The following SRRM4 variants were observed in gnomAD, a reference collection of about 807,000 sequenced individuals.
SRRM4 encodes the protein serine/arginine repetitive matrix 4.
In SRRM4, 33 loss-of-function variants were observed where a neutral mutation model predicts 68.9. The observed-to-expected ratio is 0.48, with a 90% CI of 0.36 to 0.64. The LOEUF (loss-of-function observed/expected upper bound fraction) is 0.64, where lower values mean the gene tolerates loss of function less well. SRRM4 is among the 30% of genes least tolerant of loss of function. The pLI is 0.00. For missense variants in SRRM4, 817 were observed against 827.1 expected (o/e 0.99, Z 0.15); for synonymous variants, 318 against 318.8 (o/e 1.00, Z 0.03).
chr12:119,151,001 A>T lies in SRRM4; in HGVS notation c.1077-16A>T. ...TAGTGGGCAGTCGGTGCTCATGGAC[A>T]TTTTCCCACCTGCAGGGGATTTCAG... On this transcript the variant is annotated splice_polypyrimidine_tract_variant and intron_variant, in intron 9 of 12. Coordinates refer to ENST00000267260, the MANE Select transcript of SRRM4 (RefSeq NM_194286.4). 1 of 1,613,106 alleles carries T rather than the reference A, an allele frequency of 6.2e-7. No homozygotes were observed. Among genetic ancestry groups the T allele is most frequent in the Non-Finnish European group, 8.5e-7 (1 of 1,179,474 alleles).
intron 1 of SRRM4, among the ~76,000 whole-genome samples, chr12:119,051,810 C>A (rs1359730366): frequency 6.6e-6 from 1 of 152,202 alleles, no homozygotes; most frequent in Non-Finnish European, 1.5e-5. Flanking sequence ...TATGGTAGAA[C>A]TGATGTTTGG....
chr12:119,105,213 C>T (rs990867039), intron 2 of SRRM4, among the ~76,000 whole-genome samples: 8 of 152,098 alleles, frequency 5.3e-5, no homozygotes, highest in African/African-American at 1.9e-4. Context: ...CTAATCCAGT[C>T]TATCATTGAT....
intron 1 of SRRM4, among the ~76,000 whole-genome samples, chr12:119,084,272 A>G (rs1267525503): frequency 6.6e-6 from 1 of 152,138 alleles, no homozygotes; most frequent in African/African-American, 2.4e-5. Context: ...GAGGGATTCT[A>G]TTGTCCTCTG....
chr12:119,089,451 A>G (rs543635431), intron 1 of SRRM4, among the ~76,000 whole-genome samples: 7 of 152,312 alleles, frequency 4.6e-5, no homozygotes, highest in African/African-American at 1.7e-4. Context: ...ACAGGTGGGA[A>G]CAGCTGGATG....
chr12:119,099,218 T>C (rs772760452), intron 1 of SRRM4, among the ~76,000 whole-genome samples: 2 of 152,292 alleles, frequency 1.3e-5, no homozygotes, highest in Non-Finnish European at 2.9e-5. Context: ...CACTGCAACC[T>C]CTGCTTCCTG....
intron 1 of SRRM4, among the ~76,000 whole-genome samples, chr12:118,982,895 T>A (rs1953259584): frequency 6.6e-6 from 1 of 152,018 alleles, no homozygotes; most frequent in Admixed American, 6.6e-5. Context: ...TCATAAATCA[T>A]TCAATTTAGA....
chr12:119,107,754 CT>C (rs1259496980), intron 2 of SRRM4, among the ~76,000 whole-genome samples: 1 of 152,090 alleles, frequency 6.6e-6, no homozygotes, highest in Non-Finnish European at 1.5e-5. Context: ...TTTTGTTGAT[CT>C]TTTCAAAAAA....
intron 1 of SRRM4, among the ~76,000 whole-genome samples, chr12:119,023,046 C>T (rs993106252): frequency 2.6e-5 from 4 of 152,222 alleles, no homozygotes; most frequent in African/African-American, 9.6e-5. Context: ...CTTTTACCTA[C>T]ACCTGTCACG....
chr12:119,125,206 C>T (rs957537847), intron 6 of SRRM4, among the ~76,000 whole-genome samples, 175 bp from the exon 7 acceptor site: 1 of 152,128 alleles, frequency 6.6e-6, no homozygotes, highest in Admixed American at 6.5e-5. Flanking sequence ...AACCCTCCAC[C>T]CAATACCCAG....
intron 1 of SRRM4, among the ~76,000 whole-genome samples, chr12:119,080,502 G>C (rs1296417241): frequency 6.6e-6 from 1 of 152,162 alleles, no homozygotes; most frequent in African/African-American, 2.4e-5. Context: ...TTATGAAAGA[G>C]AAACTCACAG....
intron 11 of SRRM4, 87 bp downstream of exon 11, chr12:119,153,736 C>T: frequency 1.0e-6 from 1 of 982,012 alleles, no homozygotes; most frequent in Admixed American, 2.1e-5. Context: ...TCCCCGTTCT[C>T]GGGCCTTCTT....
chr12:119,146,953 T>C (rs1229955711), intron 9 of SRRM4, among the ~76,000 whole-genome samples: 1 of 151,636 alleles, frequency 6.6e-6, no homozygotes. Flanking sequence ...AAAAAGAACA[T>C]ATCACAGTAT....
At position 119,067,157 on chromosome 12, in the gene SRRM4, T is replaced by G. The variant is rs548094510; in HGVS notation, c.132-35079T>G. ...AATTATCCACTTTCCTTCATTTTTTTTTTTGGATAGTCATGCACTTTGTAT... is the reference window on the plus strand; with the variant it reads ...AATTATCCACTTTCCTTCATTTTTTGTTTTGGATAGTCATGCACTTTGTAT... On this transcript the variant is annotated intron_variant, in intron 1 of 12. Transcript: ENST00000267260. Among the ~76,000 whole-genome samples, 400 of 152,136 alleles carry G rather than the reference T, an allele frequency of 2.6e-3. 3 individuals carry two copies. Among genetic ancestry groups the G allele is most frequent in the Non-Finnish European group, 4.1e-3 (280 of 67,964 alleles).
chr12:119,069,135 G>C (rs1229583329), intron 1 of SRRM4, among the ~76,000 whole-genome samples: 1 of 152,134 alleles, frequency 6.6e-6, no homozygotes, highest in Non-Finnish European at 1.5e-5. Flanking sequence ...AAATAGAAAC[G>C]GGAGAGCCCT....
intron 1 of SRRM4, among the ~76,000 whole-genome samples, chr12:118,984,620 G>A (rs1049133842): frequency 3.9e-5 from 6 of 152,202 alleles, no homozygotes; most frequent in African/African-American, 1.4e-4. Flanking sequence ...TACCAGGATA[G>A]AAACATATAT....
At chr12:119,013,674 A>AT (rs1406714195) in intron 1 of SRRM4, among the ~76,000 whole-genome samples, 1 of 152,004 alleles carries the variant, frequency 6.6e-6, no homozygotes, top group Non-Finnish European at 1.5e-5. Flanking sequence ...CTACCCTGTT[A>AT]TTTTTTTAAT....
chr12:119,149,231 C>G (rs1360132865), intron 9 of SRRM4, among the ~76,000 whole-genome samples: 1 of 152,096 alleles, frequency 6.6e-6, no homozygotes, highest in East Asian at 1.9e-4. Context: ...ACCTGCAGTC[C>G]CAGCCACTCG....
chr12:119,114,971 T>C (rs950381621), intron 3 of SRRM4, among the ~76,000 whole-genome samples: 2 of 151,816 alleles, frequency 1.3e-5, no homozygotes, highest in African/African-American at 4.8e-5. Flanking sequence ...GCCGGAAGCA[T>C]AGTCTTTAGC....
intron 3 of SRRM4, among the ~76,000 whole-genome samples, chr12:119,116,339 G>C (rs1954179531): frequency 2.0e-5 from 3 of 152,154 alleles, no homozygotes; most frequent in Non-Finnish European, 4.4e-5. Context: ...CACTTTGATG[G>C]CACTATCCGT....
Sources: gnomAD v4.1 joint callset for allele counts (sites outside exome capture counted in the v4.1 genomes callset) on GRCh38, gnomAD v4.1.1 for gene constraint, MANE v1.5 for transcripts, NCBI Gene and HGNC (gene_info 2026-07-23, HGNC 2026-07-21) for gene names.